Variants in FBXW8 observed in about 807,000 individuals in gnomAD.
FBXW8 encodes the protein F-box and WD repeat domain containing 8.
Under a neutral mutation model 65.3 loss-of-function variants are expected in FBXW8, and 57 were observed. The observed-to-expected ratio is 0.87, with a 90% CI of 0.71 to 1.09. FBXW8 has a LOEUF of 1.09. Ranked by LOEUF, FBXW8 falls within the 50% of genes least tolerant of loss-of-function variation. The pLI is 0.00. For missense variants in FBXW8, 777 were observed against 814.8 expected, an observed-to-expected ratio of 0.95 and a Z score of 0.57; for synonymous variants, 308 against 330.2, an observed-to-expected ratio of 0.93 and a Z score of 0.73.
At chr12:116,928,249 G>A in intron 2 of FBXW8, 122 bp downstream of exon 2, 1 of 698,822 alleles carries the variant, frequency 1.4e-6, no homozygotes, top group Non-Finnish European at 2.5e-6. Context: ...TGAATTGGAT[G>A]GCAAGTTTAC....
At chr12:117,026,357 G>A (rs1954228427) in intron 9 of FBXW8, among the ~76,000 whole-genome samples, 1 of 141,952 alleles carries the variant, frequency 7.0e-6, no homozygotes, top group South Asian at 2.4e-4. Flanking sequence ...TCCCATGCCA[G>A]GTCCACCAAC....
chr12:116,964,951 G>A (rs1040996447), intron 5 of FBXW8, 97 bp downstream of exon 5: 29 of 1,204,818 alleles, frequency 2.4e-5, no homozygotes, highest in East Asian at 9.9e-5. Context: ...CCCTCCATAT[G>A]TACACGTGGG....
chr12:116,946,183 GA>G (rs1882918681), intron 3 of FBXW8, among the ~76,000 whole-genome samples: 1 of 152,190 alleles, frequency 6.6e-6, no homozygotes, highest in South Asian at 2.1e-4. Flanking sequence ...CAATGGTAGA[GA>G]AGGGATGGAA....
rs996538947 is a variant in FBXW8 at position 116,922,236 on chromosome 12, C to G, written c.319-5787C>G. ...CTCGACTGCCTTTCAGACCTTTTTC[C>G]CCCAGCCAACCAGTTTTTTTCTTCT... is the stretch of plus-strand genomic sequence containing the variant. On this transcript the variant is annotated intron_variant, in intron 1 of 10. Transcript: ENST00000652555. Among the ~76,000 whole-genome samples the G allele has an allele frequency of 2.0e-5, 3 of 151,874 alleles. No individual in the cohort carries two copies. The South Asian group carries it at 6.2e-4, about 31-fold the overall frequency.
At chr12:116,928,221 T>C in intron 2 of FBXW8, 94 bp downstream of exon 2, 1 of 833,984 alleles carries the variant, frequency 1.2e-6, no homozygotes, top group East Asian at 2.6e-5. Flanking sequence ...CACAGAATTA[T>C]AAACTTTGCA....
chr12:117,019,689 G>A (rs780098434), intron 8 of FBXW8, among the ~76,000 whole-genome samples: 5 of 152,146 alleles, frequency 3.3e-5, no homozygotes, highest in Non-Finnish European at 7.3e-5. Flanking sequence ...AAGAGTAACC[G>A]AGAATGCCCG....
At chr12:117,002,054 GT>G (rs1301180674) in intron 7 of FBXW8, among the ~76,000 whole-genome samples, 1 of 152,186 alleles carries the variant, frequency 6.6e-6, no homozygotes, top group Non-Finnish European at 1.5e-5. Flanking sequence ...TGCTCTGTGG[GT>G]TCCTTTCAGG....
At chr12:116,921,407 T>C (rs911214400) in intron 1 of FBXW8, among the ~76,000 whole-genome samples, 3 of 152,236 alleles carry the variant, frequency 2.0e-5, no homozygotes, top group African/African-American at 7.2e-5. Context: ...CCGCTCTTTG[T>C]AGCATTGTTT....
intron 8 of FBXW8, among the ~76,000 whole-genome samples, chr12:117,011,606 A>T (rs1161054446): frequency 1.3e-5 from 2 of 152,164 alleles, no homozygotes; most frequent in African/African-American, 4.8e-5. Flanking sequence ...GTCAGTTTGT[A>T]GTTTTAATCC....
At chr12:116,948,025 G>C (rs10507276) in intron 3 of FBXW8, among the ~76,000 whole-genome samples, 1 of 152,158 alleles carries the variant, frequency 6.6e-6, no homozygotes, top group Admixed American at 6.5e-5. Flanking sequence ...TTAGGCAGGC[G>C]ATTTGGTTTG....
At chr12:116,991,682 GT>G (rs1310048623) in intron 7 of FBXW8, among the ~76,000 whole-genome samples, 1 of 152,160 alleles carries the variant, frequency 6.6e-6, no homozygotes, top group Non-Finnish European at 1.5e-5. Flanking sequence ...TCAGATGAAG[GT>G]TTTATGAGAA....
rs1464780120 is a variant in FBXW8, at chr12:116,940,027, C to T, written c.424-5337C>T. On this transcript the variant is annotated intron_variant, in intron 2 of 10. Transcript: ENST00000652555. ...AGCTCCAGCATTGCTGAGTCGTTAT[C>T]CCGTTCTTTATTGCCTGACCACTTG... is the stretch of plus-strand genomic sequence containing the variant. Among the ~76,000 whole-genome samples, 3 of 152,190 alleles carry T rather than the reference C, an allele frequency of 2.0e-5. 1 individual carries two copies. In the East Asian group the frequency reaches 5.8e-4, roughly 29 times the overall value.
intron 1 of FBXW8, among the ~76,000 whole-genome samples, chr12:116,927,740 C>T (rs1881438727): frequency 6.6e-6 from 1 of 152,114 alleles, no homozygotes; most frequent in Admixed American, 6.5e-5. Context: ...AAGATAGCAC[C>T]CCTGCTGCTT....
At chr12:116,927,982 T>C (rs777793164) in intron 1 of FBXW8, 41 bp from the exon 2 acceptor site, 10 of 1,283,664 alleles carry the variant, frequency 7.8e-6, no homozygotes, top group Non-Finnish European at 1.1e-5. Flanking sequence ...TATTTTCATA[T>C]CTAAAAATTA....
At chr12:117,005,943 C>T (rs1365250322) in intron 7 of FBXW8, among the ~76,000 whole-genome samples, 1 of 152,242 alleles carries the variant, frequency 6.6e-6, no homozygotes, top group East Asian at 1.9e-4. Context: ...CTCAGCCCAG[C>T]ACAGCACCTC....
At chr12:116,949,872 C>T (rs540611091) in intron 4 of FBXW8, 166 bp downstream of exon 4, 2 of 657,082 alleles carry the variant, frequency 3.0e-6, no homozygotes, top group South Asian at 1.8e-5. Context: ...TTCCCAAGGA[C>T]GTGAGAGCGC....
chr12:117,024,055 T>C (rs1954163840), intron 8 of FBXW8, 92 bp from the exon 9 acceptor site: 12 of 1,361,538 alleles, frequency 8.8e-6, no homozygotes, highest in Admixed American at 5.9e-5. Context: ...AGCAGTGTTG[T>C]GCATAGACCA....
intron 5 of FBXW8, among the ~76,000 whole-genome samples, chr12:116,982,825 G>A (rs1291282229): frequency 3.9e-5 from 6 of 152,128 alleles, no homozygotes; most frequent in Non-Finnish European, 8.8e-5. Context: ...TAGCTTCCAC[G>A]CTTGGCAGCA....
At chr12:116,981,756 G>C (rs1324740732) in intron 5 of FBXW8, among the ~76,000 whole-genome samples, 1 of 152,042 alleles carries the variant, frequency 6.6e-6, no homozygotes, top group East Asian at 1.9e-4. Flanking sequence ...TGGGATTACA[G>C]GTGCCCACCA....
Sources: allele counts gnomAD v4.1 joint callset (sites outside exome capture counted in the v4.1 genomes callset), GRCh38; gene constraint gnomAD v4.1.1; transcripts MANE v1.5; gene names NCBI Gene and HGNC (gene_info 2026-07-23, HGNC 2026-07-21).